RB1: variants seen among roughly 807,000 people sequenced by gnomAD.
The protein encoded by RB1 is RB transcriptional corepressor 1, also known as retinoblastoma-associated protein.
In RB1, 18 loss-of-function variants were observed where a neutral mutation model predicts 135.4. The ratio of observed to expected loss-of-function variants is 0.13; its 90% confidence interval spans 0.09 to 0.20. The LOEUF (loss-of-function observed/expected upper bound fraction) is 0.20, where lower values mean the gene tolerates loss of function less well. Ranked by LOEUF, RB1 falls within the 10% of genes least tolerant of loss-of-function variation. RB1 has a pLI of 1.00. For missense variants in RB1, 868 were observed against 1,110.0 expected (o/e 0.78, Z 3.10); for synonymous variants, 365 against 373.2 (o/e 0.98, Z 0.25).
chr13:48,466,571 G>A (rs944732091), intron 23 of RB1, among the ~76,000 whole-genome samples: 3 of 152,090 alleles, frequency 2.0e-5, no homozygotes, highest in South Asian at 2.1e-4. Flanking sequence ...TGACTTTGAC[G>A]AGCTGAGAGA....
chr13:48,370,255 C>G (rs569219617), intron 11 of RB1, among the ~76,000 whole-genome samples: 2 of 152,272 alleles, frequency 1.3e-5, no homozygotes, highest in South Asian at 4.2e-4. Context: ...CAACAATCAA[C>G]ACAGAAGACT....
chr13:48,414,403 G>A (rs1948873080), intron 17 of RB1, among the ~76,000 whole-genome samples: 1 of 151,698 alleles, frequency 6.6e-6, no homozygotes, highest in Non-Finnish European at 1.5e-5. Context: ...AGAAGAAAGT[G>A]TGTGTAAGGT....
chr13:48,479,706 T>G (rs190210869), intron 26 of RB1, among the ~76,000 whole-genome samples: 39 of 152,196 alleles, frequency 2.6e-4, no homozygotes, highest in Non-Finnish European at 3.8e-4. Flanking sequence ...GGGGTACATG[T>G]GATGTTTTGA....
Position 48,459,898 on chromosome 13 carries a change from T to TTTC in RB1, c.2106+68_2106+70dup, listed in dbSNP as rs1379075407. On this transcript the variant is annotated intron_variant, in intron 20 of 26. Coordinates refer to ENST00000267163, the MANE Select transcript of RB1 (RefSeq NM_000321.3). ...TACTTGTTAACTGATTCTTTCTTTC[T>TTTC]TTCTTTCTTTCTTTCTTTCTTTCTT... is the stretch of plus-strand genomic sequence containing the variant. 235 of 455,974 alleles carry TTTC rather than the reference T, an allele frequency of 5.2e-4. 1 individual carries two copies. The highest frequency in any genetic ancestry group is 2.5e-3 in the Middle Eastern group (6 of 2,438). 28.2% of individuals were successfully genotyped at this position (455,974 alleles called of 1,614,324 possible).
chr13:48,380,537 A>G (rs1566199234), intron 16 of RB1, among the ~76,000 whole-genome samples: 1 of 152,186 alleles, frequency 6.6e-6, no homozygotes, highest in Non-Finnish European at 1.5e-5. Context: ...GAGATTGTAG[A>G]GTGCCAAAGG....
chr13:48,339,163 A>G (rs1019064199), intron 2 of RB1, among the ~76,000 whole-genome samples: 6 of 152,168 alleles, frequency 3.9e-5, no homozygotes, highest in Non-Finnish European at 8.8e-5. Context: ...TCAGATCTCA[A>G]ACTTCATGCT....
At position 48,307,478 on chromosome 13, in the gene RB1, A is replaced by C. The variant is rs914675097; in HGVS notation, c.264+72A>C. 21 of 1,418,832 alleles carry C rather than the reference A, an allele frequency of 1.5e-5. No individual in the cohort carries two copies. The African/African-American group carries it at 2.3e-4, about 16-fold the overall frequency. 87.9% of individuals were successfully genotyped at this position (1,418,832 alleles called of 1,614,324 possible). On this transcript the variant is annotated intron_variant, in intron 2 of 26. Transcript: ENST00000267163. The stretch of plus-strand genomic sequence containing the variant: ...AAAACAACTTCAAATCACTATACAA[A>C]AATTGAAAGATAGAAAAATATAAAG...
intron 6 of RB1, among the ~76,000 whole-genome samples, chr13:48,350,079 A>G (rs1262602983): frequency 1.3e-5 from 2 of 152,158 alleles, no homozygotes; most frequent in African/African-American, 2.4e-5. Flanking sequence ...ATAGGCCCCA[A>G]TACAATAGAA....
intron 17 of RB1, among the ~76,000 whole-genome samples, chr13:48,385,962 T>C (rs1948568060): frequency 6.6e-6 from 1 of 151,150 alleles, no homozygotes; most frequent in Non-Finnish European, 1.5e-5. Context: ...TCCCAGCATT[T>C]TGGGAGGCTG....
At chr13:48,415,611 C>G (rs1291393168) in intron 17 of RB1, 1 of 152,066 alleles carries the variant, frequency 6.6e-6, no homozygotes, top group Non-Finnish European at 1.5e-5. Context: ...GTTTGAGTTA[C>G]TGGGGCTTAA....
rs149359120 is a variant in RB1, at chr13:48,476,746, G to T, written c.2566G>T (p.Asp856Tyr). The change falls in exon 25 of 27, where the codon GAC becomes TAC. Residue 856 changes from aspartate to tyrosine, a missense_variant. This residue lies in a region of RB1 where 196 missense variants were observed against 239.8 expected (regional missense o/e 0.82). Coordinates refer to ENST00000267163, the MANE Select transcript of RB1 (RefSeq NM_000321.3). ...QKINQMVCNS[D>Y]RVLKRSAEGS... Reference sequence around the variant, plus strand: ...AATAAATCAGATGGTATGTAACAGCGACCGTGTGCTCAAAAGAAGTGCTGA... The same window carrying T: ...AATAAATCAGATGGTATGTAACAGCTACCGTGTGCTCAAAAGAAGTGCTGA... 2 of 1,613,394 alleles carry T rather than the reference G, an allele frequency of 1.2e-6. No individual in the cohort carries two copies. Among genetic ancestry groups the T allele is most frequent in the Admixed American group, 1.7e-5 (1 of 59,944 alleles).
At chr13:48,370,395 G>T (rs1952747175) in intron 11 of RB1, among the ~76,000 whole-genome samples, 1 of 152,142 alleles carries the variant, frequency 6.6e-6, no homozygotes, top group African/African-American at 2.4e-5. Context: ...GATCCCACAG[G>T]TTGAGGGCTC....
At position 48,481,195 on chromosome 13, in the gene RB1, A is replaced by G. The variant is rs561568186; in HGVS notation, c.*1124A>G. 3 of 231,512 alleles carry G rather than the reference A, an allele frequency of 1.3e-5. No homozygotes were observed. Among genetic ancestry groups the G allele is most frequent in the African/African-American group, 2.2e-5 (1 of 45,332 alleles). The allele number at this position is 231,512 out of a possible 1,614,324, so 14.3% of individuals were successfully genotyped here. A position where few individuals can be genotyped will look rare whatever the true frequency, so the allele number is the denominator to read the frequency against. On this transcript the variant is annotated 3_prime_UTR_variant, in exon 27 of 27. Coordinates refer to ENST00000267163, the MANE Select transcript of RB1 (RefSeq NM_000321.3). ...TTATCTTTTATTTTTTTAAGTCAGT[A>G]TGGTCTAACACTGGCATGTTCAAAG...
chr13:48,479,639 G>A (rs1415674664), intron 26 of RB1, among the ~76,000 whole-genome samples: 6 of 151,758 alleles, frequency 4.0e-5, no homozygotes, highest in Non-Finnish European at 8.8e-5. Context: ...CTGTTTTTTT[G>A]GGGGGTGGGG....
chr13:48,304,468 C>T (rs973175994), intron 1 of RB1, among the ~76,000 whole-genome samples: 1 of 152,158 alleles, frequency 6.6e-6, no homozygotes, highest in African/African-American at 2.4e-5. Flanking sequence ...TTTTGGTTCA[C>T]GCGATGCAAC....
intron 2 of RB1, chr13:48,328,556 C>T: frequency 1.4e-6 from 1 of 707,292 alleles, no homozygotes; most frequent in Non-Finnish European, 2.6e-6. Flanking sequence ...GCCTTCCCAT[C>T]AGCCATTTCC....
chr13:48,458,053 TG>T (rs1325842173), intron 19 of RB1, among the ~76,000 whole-genome samples: 2 of 152,178 alleles, frequency 1.3e-5, no homozygotes, highest in Non-Finnish European at 2.9e-5. Flanking sequence ...AGCGGTGGCT[TG>T]GGCGGCTGCA....
chr13:48,349,144 G>A (rs1952524430), intron 6 of RB1, 121 bp downstream of exon 6: 2 of 1,047,726 alleles, frequency 1.9e-6, no homozygotes, highest in Non-Finnish European at 2.6e-6. Flanking sequence ...TCTCTGCTTG[G>A]CTTATTAACT....
At chr13:48,347,979 A>C in intron 5 of RB1, 116 bp downstream of exon 5, 2 of 769,390 alleles carry the variant, frequency 2.6e-6, no homozygotes, top group Non-Finnish European at 4.4e-6. Context: ...TACTTCATAA[A>C]TTAAGCCCAT....
Sources: allele counts gnomAD v4.1 joint callset (sites outside exome capture counted in the v4.1 genomes callset), GRCh38; gene constraint gnomAD v4.1.1; regional missense constraint gnomAD v4.1.1; transcripts MANE v1.5; gene names NCBI Gene and HGNC (gene_info 2026-07-23, HGNC 2026-07-21).